TXNL1: variants seen among roughly 807,000 people sequenced by gnomAD.
TXNL1 encodes thioredoxin-like protein 1.
TXNL1 carries 14 observed loss-of-function variants against 35.5 expected under a neutral mutation model. The observed-to-expected ratio is 0.39, with a 90% CI of 0.26 to 0.62. The LOEUF is 0.62. Among genes scored for constraint, TXNL1 ranks in the 20% least tolerant of loss-of-function variants. The pLI is 0.47. For synonymous variants in TXNL1, 110 were observed against 115.5 expected (o/e 0.95, Z 0.31); for missense variants, 263 against 349.7 (o/e 0.75, Z 1.98).
At chr18:56,617,704 T>G (rs1042740040) in intron 4 of TXNL1, among the ~76,000 whole-genome samples, 2 of 152,172 alleles carry the variant, frequency 1.3e-5, no homozygotes, top group East Asian at 3.9e-4. Flanking sequence ...GAAGAAGGTA[T>G]GGAAGTCAGG....
At chr18:56,627,687 T>C (rs1598922391) in intron 1 of TXNL1, among the ~76,000 whole-genome samples, 1 of 152,038 alleles carries the variant, frequency 6.6e-6, no homozygotes, top group East Asian at 1.9e-4. Flanking sequence ...TATATACTCA[T>C]ACAGGAAAAG....
intron 6 of TXNL1, among the ~76,000 whole-genome samples, chr18:56,611,963 C>T (rs1200580876): frequency 6.6e-6 from 1 of 151,200 alleles, no homozygotes; most frequent in African/African-American, 2.4e-5. Flanking sequence ...AGTCTCCTGC[C>T]TCAGCCTCCT....
At chr18:56,620,012 AGGCTGGAGTACAGTGGTG>A (rs2024155538) in intron 3 of TXNL1, among the ~76,000 whole-genome samples, 4 of 152,278 alleles carry the variant, frequency 2.6e-5, no homozygotes, top group South Asian at 4.1e-4. Context: ...TCTGTCGCCC[AGGCTGGAGTACAGTGGTG>A]TTATCTTGGC....
Position 56,614,525 on chromosome 18 carries a change from T to C in TXNL1, c.634A>G (p.Ser212Gly). The C allele has an allele frequency of 6.2e-7, 1 of 1,614,010 alleles. No individual in the cohort carries two copies. Among genetic ancestry groups the C allele is most frequent in the Non-Finnish European group, 8.5e-7 (1 of 1,179,954 alleles). ...AGTTCCAGAGCTTGAGTTGGTTCACTTCTTTCTGCCTCTTCAAAATCCATA... is the reference window on the plus strand; with the variant it reads ...AGTTCCAGAGCTTGAGTTGGTTCACCTCTTTCTGCCTCTTCAAAATCCATA... ...RSMDFEEAER[S>G]EPTQALELTE... Residue 212 changes from serine to glycine, a missense_variant, in exon 6 of 8, where the codon AGT (serine) becomes GGT (glycine). By Grantham distance (56) the Ser-to-Gly change is moderately conservative. Transcript: ENST00000217515.
At chr18:56,613,988 G>A (rs1247402344) in intron 6 of TXNL1, among the ~76,000 whole-genome samples, 3 of 151,742 alleles carry the variant, frequency 2.0e-5, no homozygotes, top group Non-Finnish European at 4.4e-5. Flanking sequence ...GCAACACAGC[G>A]AGACTCCATC....
At chr18:56,637,120 G>T (rs1461063183) in intron 1 of TXNL1, among the ~76,000 whole-genome samples, 1 of 152,134 alleles carries the variant, frequency 6.6e-6, no homozygotes, top group East Asian at 1.9e-4. Context: ...TTTCAATTCA[G>T]TGTAAGAGAG....
rs1301284944 is a variant in TXNL1, at chr18:56,597,267, A to C, written c.*5760T>G. 2 of 152,212 alleles carry C rather than the reference A, an allele frequency of 1.3e-5. No individual in the cohort carries two copies. Among genetic ancestry groups the C allele is most frequent in the African/African-American group, 4.8e-5 (2 of 41,454 alleles). The allele number at this position is 152,212 out of a possible 1,614,324, so 9.4% of individuals were successfully genotyped here. A position where few individuals can be genotyped will look rare whatever the true frequency, so the allele number is the denominator to read the frequency against. On this transcript the variant is annotated 3_prime_UTR_variant, in exon 8 of 8. Coordinates refer to ENST00000217515, the MANE Select transcript of TXNL1 (RefSeq NM_004786.3). ...GCAGTGTTTCATATTCTCTTACAAA[A>C]TAGTGCCATCCATCTCCAAGTTTTG...
chr18:56,599,578 T>C lies in TXNL1; in HGVS notation c.*3449A>G, dbSNP rs1321466207. On this transcript the variant is annotated 3_prime_UTR_variant, in exon 8 of 8. Coordinates refer to ENST00000217515, the MANE Select transcript of TXNL1 (RefSeq NM_004786.3). ...GTGAATGGATTTTTTTTTTTTTTCT[T>C]TTGAGACAGTCTCACTCTGTTGCCC... 6.6e-6 allele frequency: 1 copy of C among 152,202 alleles called. No individual in the cohort carries two copies. The highest frequency in any genetic ancestry group is 2.4e-5 in the African/African-American group (1 of 41,528). The allele number at this position is 152,202 out of a possible 1,614,324, so 9.4% of individuals were successfully genotyped here.
At chr18:56,614,746 G>C in intron 5 of TXNL1, 150 bp from the exon 6 acceptor site, 1 of 696,520 alleles carries the variant, frequency 1.4e-6, no homozygotes. Flanking sequence ...ACAAAAGTCT[G>C]AGTATTCAGG....
In TXNL1 at chr18:56,616,235, C is replaced by A. The variant is rs1351337289; in HGVS notation, c.562+10G>T. 3.7e-6 allele frequency: 6 copies of A among 1,611,748 alleles called. No individual in the cohort carries two copies. The highest frequency in any genetic ancestry group is 1.1e-5 in the South Asian group (1 of 90,968). On this transcript the variant is annotated intron_variant, in intron 5 of 7. Coordinates refer to ENST00000217515, the MANE Select transcript of TXNL1 (RefSeq NM_004786.3). ...GAAGTTAGTTTAAAGAAAAGCTATC[C>A]TTTACTCACCATTATCTGGCCCTTG...
At chr18:56,626,873 T>G (rs919007179) in intron 1 of TXNL1, among the ~76,000 whole-genome samples, 9 of 140,246 alleles carry the variant, frequency 6.4e-5, no homozygotes, top group African/African-American at 2.4e-4. Flanking sequence ...GGCATGATCA[T>G]GGCTCACTGC....
At chr18:56,616,163 CTATT>C (rs1273779315) in intron 5 of TXNL1, 78 bp downstream of exon 5, 1 of 1,208,320 alleles carries the variant, frequency 8.3e-7, no homozygotes, top group Non-Finnish European at 1.2e-6. Context: ...ACAAGTACCT[CTATT>C]TAATAAAAAG....
chr18:56,621,212 T>C (rs2144312405), intron 3 of TXNL1, among the ~76,000 whole-genome samples: 1 of 151,866 alleles, frequency 6.6e-6, no homozygotes, highest in South Asian at 2.1e-4. Context: ...GTATTTTTTT[T>C]TTTTTTTTTT....
chr18:56,603,080 T>C (rs749788349), intron 7 of TXNL1, 24 bp from the exon 8 acceptor site: 16 of 1,594,356 alleles, frequency 1.0e-5, no homozygotes, highest in Non-Finnish European at 1.4e-5. Context: ...AATAAGTTTA[T>C]ATGTACATCC....
At chr18:56,634,087 T>C (rs537000546) in intron 1 of TXNL1, among the ~76,000 whole-genome samples, 95 of 152,104 alleles carry the variant, frequency 6.2e-4, no homozygotes, top group African/African-American at 2.2e-3. Flanking sequence ...TTTAACTCTT[T>C]AGTAACAACA....
rs375205427 is a variant in TXNL1 at position 56,618,129 on chromosome 18, G to GA, written c.370-4dup. ...TTAATAAAAGGCATTAAATCCATCT[G>GA]AAAAAAAATTGCAAGATTTTAGGCA... On this transcript the variant is annotated splice_region_variant and splice_polypyrimidine_tract_variant and intron_variant, in intron 3 of 7. Coordinates refer to ENST00000217515, the MANE Select transcript of TXNL1 (RefSeq NM_004786.3). The GA allele has an allele frequency of 5.7e-4, 909 of 1,607,548 alleles. 12 individuals carry two copies. In the South Asian group the frequency reaches 7.5e-3, roughly 13 times the overall value.
At chr18:56,633,554 G>A (rs555974423) in intron 1 of TXNL1, among the ~76,000 whole-genome samples, 2 of 149,188 alleles carry the variant, frequency 1.3e-5, no homozygotes, top group Admixed American at 6.7e-5. Context: ...AGGAGGTCGA[G>A]GCTGCAATTG....
At position 56,597,266 on chromosome 18, in the gene TXNL1, A is replaced by G. The variant is rs565125709; in HGVS notation, c.*5761T>C. The G allele has an allele frequency of 2.0e-5, 3 of 152,318 alleles. No individual in the cohort carries two copies. Among genetic ancestry groups the G allele is most frequent in the Non-Finnish European group, 4.4e-5 (3 of 68,026 alleles). The allele number at this position is 152,318 out of a possible 1,614,324, so 9.4% of individuals were successfully genotyped here. A position where few individuals can be genotyped will look rare whatever the true frequency, so the allele number is the denominator to read the frequency against. ...AGCAGTGTTTCATATTCTCTTACAA[A>G]ATAGTGCCATCCATCTCCAAGTTTT... On this transcript the variant is annotated 3_prime_UTR_variant, in exon 8 of 8. Transcript: ENST00000217515.
At chr18:56,625,197 G>A (rs1339954422) in intron 2 of TXNL1, among the ~76,000 whole-genome samples, 1 of 152,112 alleles carries the variant, frequency 6.6e-6, no homozygotes, top group African/African-American at 2.4e-5. Flanking sequence ...ACACAGGAAT[G>A]TCTTCTCAAA....
Sources: allele counts gnomAD v4.1 joint callset (sites outside exome capture counted in the v4.1 genomes callset), GRCh38; gene constraint gnomAD v4.1.1; transcripts MANE v1.5; gene names NCBI Gene and HGNC (gene_info 2026-07-23, HGNC 2026-07-21).